PCDHA5: variants seen among roughly 807,000 people sequenced by gnomAD.
PCDHA5 encodes the protein protocadherin alpha 5.
In PCDHA5, 43 loss-of-function variants were observed where a neutral mutation model predicts 61.6. That is an observed-to-expected ratio of 0.70 (90% CI 0.55 to 0.90). PCDHA5 has a LOEUF of 0.90. Ranked by LOEUF, PCDHA5 falls within the 40% of genes least tolerant of loss-of-function variation. The pLI is 0.00. For synonymous variants in PCDHA5, 627 were observed against 543.9 expected (o/e 1.15, Z -2.13); for missense variants, 1,298 against 1,222.7 (o/e 1.06, Z -0.92).
Position 140,936,735 on chromosome 5 carries a change from A to G in PCDHA5, c.2353-42214A>G, listed in dbSNP as rs75635765. 5.4e-3 allele frequency among the ~76,000 whole-genome samples: 829 copies of G among 152,226 alleles called. 3 individuals carry two copies. The highest frequency in any genetic ancestry group is 0.019 in the African/African-American group (798 of 41,528). ...AATACATTCTGTGTTAAATATAGTA[A>G]CTTTTCATTTGTATTGATATCTAAT... On this transcript the variant is annotated intron_variant, in intron 1 of 3. Coordinates refer to ENST00000529859, the MANE Select transcript of PCDHA5 (RefSeq NM_018908.3).
intron 1 of PCDHA5, among the ~76,000 whole-genome samples, chr5:140,912,283 A>G (rs1442282452): frequency 6.6e-6 from 1 of 152,104 alleles, no homozygotes; most frequent in Non-Finnish European, 1.5e-5. Flanking sequence ...ACCCAGGAAC[A>G]ATACTTTGCC....
At chr5:140,917,940 G>T (rs2078445007) in intron 1 of PCDHA5, among the ~76,000 whole-genome samples, 1 of 151,950 alleles carries the variant, frequency 6.6e-6, no homozygotes, top group African/African-American at 2.4e-5. Flanking sequence ...AATAATATTG[G>T]TAGTTTGATA....
intron 3 of PCDHA5, among the ~76,000 whole-genome samples, chr5:141,006,736 G>C (rs939000554): frequency 2.0e-5 from 3 of 152,122 alleles, no homozygotes; most frequent in African/African-American, 7.2e-5. Context: ...AGGTCTTGAT[G>C]ATGTATTATA....
At position 140,858,448 on chromosome 5, in the gene PCDHA5, C is replaced by G. The variant is rs1554151646; in HGVS notation, c.2352+34321C>G. The G allele has an allele frequency of 1.3e-6, 2 of 1,532,196 alleles. 1 individual carries two copies. The highest frequency in any genetic ancestry group is 2.8e-5 in the African/African-American group (2 of 72,594). 94.9% of individuals were successfully genotyped at this position (1,532,196 alleles called of 1,614,324 possible). ...ACCACTCTAGGAAGGTGGGTTATTA[C>G]GTTTTCATTTTCCTTTTGTGCTTTA... On this transcript the variant is annotated intron_variant, in intron 1 of 3. Transcript: ENST00000529859.
chr5:140,999,368 A>G (rs549083218), intron 3 of PCDHA5, among the ~76,000 whole-genome samples: 1 of 152,280 alleles, frequency 6.6e-6, no homozygotes, highest in African/African-American at 2.4e-5. Context: ...TCACAATCCC[A>G]TTAGATGGTT....
rs2041332150 is a variant in PCDHA5, at chr5:140,850,080, G to T, written c.2352+25953G>T. 56 of 1,596,464 alleles carry T rather than the reference G, an allele frequency of 3.5e-5. 4 individuals are homozygous for T. Among genetic ancestry groups the T allele is most frequent in the Non-Finnish European group, 4.6e-5 (54 of 1,167,848 alleles). ...GCAGCCGTTGGACCACGAGGAGCTG[G>T]AGCTGCTACAGTTCCAGGTGAGCGC... On this transcript the variant is annotated intron_variant, in intron 1 of 3. Coordinates refer to ENST00000529859, the MANE Select transcript of PCDHA5 (RefSeq NM_018908.3).
At chr5:140,891,452 TG>T (rs2063116437) in intron 1 of PCDHA5, among the ~76,000 whole-genome samples, 1 of 150,254 alleles carries the variant, frequency 6.7e-6, no homozygotes, top group Non-Finnish European at 1.5e-5. Flanking sequence ...ATAGGATTTT[TG>T]AATTTGTGAA....
intron 1 of PCDHA5, among the ~76,000 whole-genome samples, chr5:140,826,740 T>C (rs2150145244): frequency 7.9e-5 from 12 of 152,076 alleles, no homozygotes; most frequent in African/African-American, 2.7e-4. Context: ...GTCTATATTG[T>C]CAGAAAAATA....
rs1554129744 is a variant in PCDHA5, at chr5:140,824,130, G to T, written c.2352+3G>T. 4 of 1,613,078 alleles carry T rather than the reference G, an allele frequency of 2.5e-6. No homozygotes were observed. The highest frequency in any genetic ancestry group is 8.5e-7 in the Non-Finnish European group (1 of 1,179,046). The stretch of plus-strand genomic sequence containing the variant: ...AGGGTCCCACCTCTACAGACAACGT[G>T]AGTTTTCTAATATTAACATCCATCT... On this transcript the variant is annotated splice_donor_region_variant and intron_variant, in intron 1 of 3. Transcript: ENST00000529859.
chr5:140,973,803 G>C (rs1232498397), intron 1 of PCDHA5, among the ~76,000 whole-genome samples: 2 of 152,214 alleles, frequency 1.3e-5, no homozygotes, highest in African/African-American at 2.4e-5. Flanking sequence ...CTGTCTACTT[G>C]ACAGAATAGC....
chr5:140,871,028 C>A (rs782198197), intron 1 of PCDHA5: 2 of 1,613,234 alleles, frequency 1.2e-6, no homozygotes, highest in Non-Finnish European at 1.7e-6. Context: ...GCAGACTCGC[C>A]GCGCCACCGA....
chr5:140,952,582 G>A (rs552541968), intron 1 of PCDHA5, among the ~76,000 whole-genome samples: 4 of 152,220 alleles, frequency 2.6e-5, no homozygotes, highest in East Asian at 3.9e-4. Context: ...AATCATTCAA[G>A]TAGTCTCTAG....
intron 1 of PCDHA5, chr5:140,856,494 C>A: frequency 6.3e-7 from 1 of 1,598,382 alleles, no homozygotes; most frequent in Non-Finnish European, 8.6e-7. Flanking sequence ...CTGCTTGACT[C>A]TCGATTTCCA....
At chr5:140,993,218 T>C (rs534348907) in intron 3 of PCDHA5, among the ~76,000 whole-genome samples, 1 of 152,330 alleles carries the variant, frequency 6.6e-6, no homozygotes, top group East Asian at 1.9e-4. Flanking sequence ...TTTAGCTTTT[T>C]GGTATGTTCT....
rs2150120923 is a variant in PCDHA5 at position 140,822,975 on chromosome 5, C to T, written c.1200C>T (p.Phe400=). 3.7e-6 allele frequency: 6 copies of T among 1,614,234 alleles called. No individual in the cohort carries two copies. Among genetic ancestry groups the T allele is most frequent in the Non-Finnish European group, 5.1e-6 (6 of 1,180,050 alleles). The change falls in exon 1 of 4, where the codon TTC becomes TTT. Residue 400 remains phenylalanine, a synonymous_variant. Coordinates refer to ENST00000529859, the MANE Select transcript of PCDHA5 (RefSeq NM_018908.3). ...PHVPFKLVST[F]KNYYSLVLDS... ...TTCCCTTCAAGCTGGTGTCCACCTT[C>T]AAGAATTACTACTCGTTGGTGCTGG...
At chr5:140,869,084 G>A (rs2050835199) in intron 1 of PCDHA5, 1 of 1,583,106 alleles carries the variant, frequency 6.3e-7, no homozygotes, top group African/African-American at 1.4e-5. Context: ...AGCTTATTTT[G>A]GAAGCCAATT....
chr5:140,976,615 G>C (rs1264627090), intron 1 of PCDHA5, among the ~76,000 whole-genome samples: 2 of 152,102 alleles, frequency 1.3e-5, no homozygotes, highest in Admixed American at 1.3e-4. Context: ...AAACATGACT[G>C]TCAGCTGAAC....
chr5:140,846,135 C>T (rs2150384965), intron 1 of PCDHA5, among the ~76,000 whole-genome samples: 2 of 149,570 alleles, frequency 1.3e-5, no homozygotes, highest in African/African-American at 4.9e-5. Context: ...TGTATGTTTC[C>T]CATATTTAAA....
intron 1 of PCDHA5, chr5:140,851,484 A>G: frequency 2.2e-6 from 2 of 889,574 alleles, no homozygotes; most frequent in Non-Finnish European, 2.7e-6. Context: ...TTATAAACAC[A>G]GCCTTCATTT....
Sources: allele counts gnomAD v4.1 joint callset (sites outside exome capture counted in the v4.1 genomes callset), GRCh38; gene constraint gnomAD v4.1.1; transcripts MANE v1.5; gene names NCBI Gene and HGNC (gene_info 2026-07-23, HGNC 2026-07-21).